MTBP: variants seen among roughly 807,000 people sequenced by gnomAD.
The protein encoded by MTBP is mdm2-binding protein.
MTBP carries 101 observed loss-of-function variants against 117.0 expected under a neutral mutation model. The ratio of observed to expected loss-of-function variants is 0.86; its 90% CI spans 0.73 to 1.02. MTBP has a LOEUF of 1.02. Ranked by LOEUF, MTBP falls within the 50% of genes least tolerant of loss-of-function variation. The probability of loss-of-function intolerance (pLI) is 0.00; values close to 1 mark genes in which losing one functional copy is unlikely to be tolerated. For missense variants in MTBP, 970 were observed against 1,030.9 expected, an observed-to-expected ratio of 0.94 and a Z score of 0.81; for synonymous variants, 350 against 351.5, an observed-to-expected ratio of 1.00 and a Z score of 0.05.
In MTBP at chr8:120,455,728, T is replaced by C. The variant is rs116760602; in HGVS notation, c.629+149T>C. 3.1e-3 allele frequency: 2,164 copies of C among 704,074 alleles called. 41 individuals carry two copies. The African/African-American group carries it at 0.036, about 12-fold the overall frequency. 43.6% of individuals were successfully genotyped at this position (704,074 alleles called of 1,614,324 possible). A position where few individuals can be genotyped will look rare whatever the true frequency, so the allele number is the denominator to read the frequency against. On this transcript the variant is annotated intron_variant, in intron 6 of 21. Coordinates refer to ENST00000305949, the MANE Select transcript of MTBP (RefSeq NM_022045.5). ...TATACCATGATTGCAAATTTGTGTA[T>C]TGAGAAGAATCTAGATGTTTCATAT...
At chr8:120,509,195 A>G (rs1814750392) in intron 16 of MTBP, among the ~76,000 whole-genome samples, 1 of 152,198 alleles carries the variant, frequency 6.6e-6, no homozygotes, top group Admixed American at 6.5e-5. Flanking sequence ...GGAAGTAAAT[A>G]CTTTTATTGT....
chr8:120,511,406 A>T (rs900304701), intron 17 of MTBP, among the ~76,000 whole-genome samples: 3 of 152,112 alleles, frequency 2.0e-5, no homozygotes, highest in African/African-American at 7.2e-5. Flanking sequence ...AGTGATTCTC[A>T]TGCCTCAGCC....
intron 17 of MTBP, among the ~76,000 whole-genome samples, chr8:120,512,650 T>A (rs768511023): frequency 5.9e-5 from 9 of 152,134 alleles, no homozygotes; most frequent in Non-Finnish European, 1.2e-4. Context: ...CTGTAAAAAG[T>A]ATTTCTCTTC....
chr8:120,491,615 G>A lies in MTBP; in HGVS notation c.1447+1045G>A, dbSNP rs529917294. 6.6e-5 allele frequency among the ~76,000 whole-genome samples: 10 copies of A among 152,192 alleles called. No individual in the cohort carries two copies. The South Asian group carries it at 1.5e-3, about 22-fold the overall frequency. On this transcript the variant is annotated intron_variant, in intron 13 of 21. Coordinates refer to ENST00000305949, the MANE Select transcript of MTBP (RefSeq NM_022045.5). ...ATACTGAAATACCAGTATTGTTATG[G>A]TTATAAAATGTTTATTTCAGACATC... is the stretch of plus-strand genomic sequence containing the variant.
intron 7 of MTBP, among the ~76,000 whole-genome samples, chr8:120,458,757 C>T (rs1353417857): frequency 6.6e-6 from 1 of 151,270 alleles, no homozygotes; most frequent in African/African-American, 2.4e-5. Flanking sequence ...AGGAGAATCA[C>T]TTGAACCCAG....
chr8:120,492,340 G>A (rs1814363446), intron 13 of MTBP, among the ~76,000 whole-genome samples: 1 of 152,188 alleles, frequency 6.6e-6, no homozygotes. Flanking sequence ...ATTTGCAGAG[G>A]CAAACGACAG....
intron 2 of MTBP, among the ~76,000 whole-genome samples, chr8:120,448,883 A>G (rs1420014441): frequency 1.3e-5 from 2 of 152,194 alleles, no homozygotes; most frequent in Admixed American, 6.5e-5. Flanking sequence ...AAAGTACAAT[A>G]TGATTATAAT....
chr8:120,450,052 T>C lies in MTBP; in HGVS notation c.200-951T>C, dbSNP rs58000148. 1.1e-4 allele frequency among the ~76,000 whole-genome samples: 16 copies of C among 152,190 alleles called. No homozygotes were observed. The East Asian group carries it at 3.1e-3, about 29-fold the overall frequency. ...ACCCCTTTTTTTAAAAAAGAAATACTTTGAGAAACACTTGTGTGTATTTAA... is the reference window on the plus strand; with the variant it reads ...ACCCCTTTTTTTAAAAAAGAAATACCTTGAGAAACACTTGTGTGTATTTAA... On this transcript the variant is annotated intron_variant, in intron 2 of 21. Coordinates refer to ENST00000305949, the MANE Select transcript of MTBP (RefSeq NM_022045.5).
intron 10 of MTBP, 104 bp from the exon 11 acceptor site, chr8:120,470,716 A>G: frequency 1.3e-6 from 1 of 794,804 alleles, no homozygotes; most frequent in Non-Finnish European, 2.0e-6. Context: ...GCATTACTAA[A>G]TGCATGTTAC....
At chr8:120,513,160 G>A (rs994847613) in intron 17 of MTBP, among the ~76,000 whole-genome samples, 1 of 152,024 alleles carries the variant, frequency 6.6e-6, no homozygotes, top group Non-Finnish European at 1.5e-5. Flanking sequence ...AAACTCTGCT[G>A]TCATACTCTG....
At chr8:120,465,457 A>G (rs569173875) in intron 10 of MTBP, among the ~76,000 whole-genome samples, 31 of 152,302 alleles carry the variant, frequency 2.0e-4, no homozygotes, top group African/African-American at 6.7e-4. Flanking sequence ...TAAACTACCA[A>G]GTATGATATA....
At chr8:120,453,424 G>A (rs933210974) in intron 4 of MTBP, among the ~76,000 whole-genome samples, 12 of 152,174 alleles carry the variant, frequency 7.9e-5, no homozygotes, top group Middle Eastern at 3.4e-3. Context: ...TCCAGCCTGC[G>A]TGACAGAGTC....
At position 120,456,754 on chromosome 8, in the gene MTBP, G is replaced by A. The variant is rs1450722720; in HGVS notation, c.747+84G>A. 4 of 768,380 alleles carry A rather than the reference G, an allele frequency of 5.2e-6. No individual in the cohort carries two copies. In the East Asian group the frequency reaches 1.0e-4, roughly 19 times the overall value. The allele number at this position is 768,380 out of a possible 1,614,324, so 47.6% of individuals were successfully genotyped here. A position where few individuals can be genotyped will look rare whatever the true frequency, so the allele number is the denominator to read the frequency against. On this transcript the variant is annotated intron_variant, in intron 7 of 21. Coordinates refer to ENST00000305949, the MANE Select transcript of MTBP (RefSeq NM_022045.5). ...TATTTAAATAAATCTTAATGAAAAT[G>A]TACCTTATAAAGATATTCTAGAATA...
At chr8:120,456,165 T>A (rs1382737556) in intron 6 of MTBP, among the ~76,000 whole-genome samples, 1 of 152,114 alleles carries the variant, frequency 6.6e-6, no homozygotes, top group Non-Finnish European at 1.5e-5. Context: ...CAAGAAAGTC[T>A]GTGGTAAGTG....
chr8:120,446,456 C>A lies in MTBP; in HGVS notation c.142C>A (p.His48Asn). 6.2e-7 allele frequency: 1 copy of A among 1,609,318 alleles called. No homozygotes were observed. Among genetic ancestry groups the A allele is most frequent in the Non-Finnish European group, 8.5e-7 (1 of 1,175,922 alleles). ...QPDFTAANVY[H>N]LLKRSISASI... ...AGACTTCACAGCAGCAAATGTTTAT[C>A]ACCTCTTGAAAAGAAGCATTAGTGC... The change falls in exon 2 of 22, where the codon CAC becomes AAC. Residue 48 changes from histidine to asparagine, a missense_variant. Physicochemically the swap from His to Asn is moderately conservative, Grantham distance 68. Transcript: ENST00000305949.
At chr8:120,448,329 A>G (rs1813268853) in intron 2 of MTBP, among the ~76,000 whole-genome samples, 1 of 152,202 alleles carries the variant, frequency 6.6e-6, no homozygotes, top group Non-Finnish European at 1.5e-5. Flanking sequence ...TTTGATCAAA[A>G]GGTGTTTGTC....
chr8:120,478,361 G>A (rs1294631744), intron 11 of MTBP, among the ~76,000 whole-genome samples: 1 of 151,822 alleles, frequency 6.6e-6, no homozygotes, highest in Non-Finnish European at 1.5e-5. Flanking sequence ...TAACAAACCT[G>A]CACATTCTGT....
intron 10 of MTBP, among the ~76,000 whole-genome samples, chr8:120,469,908 A>C (rs1027277045): frequency 6.6e-6 from 1 of 152,212 alleles, no homozygotes; most frequent in African/African-American, 2.4e-5. Flanking sequence ...AAATAATAGC[A>C]ACAAAACATT....
intron 11 of MTBP, among the ~76,000 whole-genome samples, chr8:120,482,021 T>C (rs1397615801): frequency 6.6e-6 from 1 of 152,192 alleles, no homozygotes; most frequent in African/African-American, 2.4e-5. Context: ...TCAATGATTC[T>C]TAACACCAGC....
Sources: gnomAD v4.1 joint callset for allele counts (sites outside exome capture counted in the v4.1 genomes callset) on GRCh38, gnomAD v4.1.1 for gene constraint, MANE v1.5 for transcripts, NCBI Gene and HGNC (gene_info 2026-07-23, HGNC 2026-07-21) for gene names.